RORA: variants seen among roughly 807,000 people sequenced by gnomAD.
RORA encodes nuclear receptor ROR-alpha.
In RORA, 7 loss-of-function variants were observed where a neutral mutation model predicts 69.5. The ratio of observed to expected loss-of-function variants is 0.10; its 90% CI spans 0.06 to 0.19. The LOEUF is 0.19. Among genes scored for constraint, RORA ranks in the 10% least tolerant of loss-of-function variants. The pLI is 1.00. For synonymous variants in RORA, 261 were observed against 240.8 expected, an observed-to-expected ratio of 1.08 and a Z score of -0.78; for missense variants, 457 against 663.0, an observed-to-expected ratio of 0.69 and a Z score of 3.41.
chr15:60,784,381 T>C (rs781480262), intron 1 of RORA, among the ~76,000 whole-genome samples: 3 of 152,208 alleles, frequency 2.0e-5, no homozygotes, highest in Non-Finnish European at 4.4e-5. Flanking sequence ...ATGGAGATTC[T>C]GGACATTCCA....
intron 1 of RORA, among the ~76,000 whole-genome samples, chr15:61,211,594 T>A (rs1040994107): frequency 6.6e-6 from 1 of 152,162 alleles, no homozygotes; most frequent in African/African-American, 2.4e-5. Context: ...AAATAATTCA[T>A]ATGACACATT....
intron 1 of RORA, among the ~76,000 whole-genome samples, chr15:60,986,497 A>G (rs1162314516): frequency 6.6e-6 from 1 of 152,198 alleles, no homozygotes; most frequent in Non-Finnish European, 1.5e-5. Flanking sequence ...CAAAGTTGTC[A>G]GTGATCATAC....
intron 1 of RORA, among the ~76,000 whole-genome samples, chr15:61,118,687 G>A (rs535668328): frequency 2.0e-4 from 31 of 152,216 alleles, no homozygotes; most frequent in African/African-American, 6.7e-4. Context: ...AATGGTGGGG[G>A]ATCGCGTTTT....
chr15:60,545,380 G>C (rs2067037030), intron 2 of RORA, among the ~76,000 whole-genome samples: 1 of 152,134 alleles, frequency 6.6e-6, no homozygotes, highest in African/African-American at 2.4e-5. Flanking sequence ...ATGTCACAAA[G>C]ATAAATTTGT....
At chr15:60,884,899 G>T (rs1212462274) in intron 1 of RORA, among the ~76,000 whole-genome samples, 1 of 152,198 alleles carries the variant, frequency 6.6e-6, no homozygotes, top group Non-Finnish European at 1.5e-5. Context: ...ATAGAGCAAG[G>T]ATGATTGGGA....
At chr15:60,508,795 A>G (rs2065596739) in intron 5 of RORA, among the ~76,000 whole-genome samples, 1 of 152,216 alleles carries the variant, frequency 6.6e-6, no homozygotes, top group Admixed American at 6.5e-5. Flanking sequence ...CCAGTATATC[A>G]GCTGTTTCTC....
At chr15:60,965,971 A>C (rs968234250) in intron 1 of RORA, among the ~76,000 whole-genome samples, 1 of 152,208 alleles carries the variant, frequency 6.6e-6, no homozygotes, top group African/African-American at 2.4e-5. Flanking sequence ...AGTAACCATA[A>C]CAAAGTAACC....
At chr15:60,947,915 T>C (rs1892947639) in intron 1 of RORA, among the ~76,000 whole-genome samples, 3 of 152,112 alleles carry the variant, frequency 2.0e-5, no homozygotes, top group Non-Finnish European at 2.9e-5. Context: ...TTTGTGGGCA[T>C]CAGAAGTGGC....
At chr15:60,656,396 A>G (rs1041845591) in intron 2 of RORA, among the ~76,000 whole-genome samples, 2 of 152,240 alleles carry the variant, frequency 1.3e-5, no homozygotes, top group Non-Finnish European at 2.9e-5. Context: ...GGCGTTTACA[A>G]TTTAGCAGGG....
At chr15:61,120,572 G>C (rs888327705) in intron 1 of RORA, among the ~76,000 whole-genome samples, 1 of 151,606 alleles carries the variant, frequency 6.6e-6, no homozygotes, top group East Asian at 2.0e-4. Flanking sequence ...GTGGTGGCAG[G>C]TACCTGTAGT....
intron 2 of RORA, among the ~76,000 whole-genome samples, chr15:60,651,211 G>A (rs1186666801): frequency 1.3e-5 from 2 of 152,038 alleles, no homozygotes; most frequent in Non-Finnish European, 2.9e-5. Flanking sequence ...TCTCTTAAAC[G>A]TACATGTCAG....
chr15:60,899,293 T>C (rs1290763279), intron 1 of RORA, among the ~76,000 whole-genome samples: 1 of 152,224 alleles, frequency 6.6e-6, no homozygotes, highest in African/African-American at 2.4e-5. Context: ...TGCATTCAGC[T>C]ACCTGGGCAT....
intron 1 of RORA, among the ~76,000 whole-genome samples, chr15:60,954,186 G>A (rs569082134): frequency 0.081 from 11,099 of 137,538 alleles, 411 homozygotes; most frequent in Middle Eastern, 0.18. Context: ...GTAAACTATC[G>A]CAAGAACAAA....
rs138923109 is a variant in RORA at position 60,507,511 on chromosome 15, A to C, written c.821-1882T>G. 8.9e-3 allele frequency among the ~76,000 whole-genome samples: 1,349 copies of C among 152,352 alleles called. 16 individuals carry two copies. Among genetic ancestry groups the C allele is most frequent in the Middle Eastern group, 0.02 (6 of 294 alleles). On this transcript the variant is annotated intron_variant, in intron 5 of 10. Coordinates refer to ENST00000335670, the MANE Select transcript of RORA (RefSeq NM_134261.3). The stretch of plus-strand genomic sequence containing the variant: ...AGCATGAATAAATAACATAAAAAAT[A>C]AAACACAAATAAAAGAACAAATGTA...
intron 1 of RORA, among the ~76,000 whole-genome samples, chr15:60,838,950 G>A (rs536900872): frequency 6.6e-6 from 1 of 150,680 alleles, no homozygotes; most frequent in African/African-American, 2.4e-5. Flanking sequence ...GTGCAGTGGC[G>A]CGATCTCTCC....
chr15:60,737,712 G>A (rs1391397663), intron 1 of RORA, among the ~76,000 whole-genome samples: 2 of 152,224 alleles, frequency 1.3e-5, no homozygotes, highest in African/African-American at 4.8e-5. Flanking sequence ...TGCTTGTTAG[G>A]AAGAGATATC....
chr15:60,765,724 A>G (rs2071978120), intron 1 of RORA: 1 of 152,132 alleles, frequency 6.6e-6, no homozygotes, highest in South Asian at 2.1e-4. Context: ...AGAAGCATAA[A>G]CAAGACCTCT....
chr15:61,055,347 A>C (rs913610455), intron 1 of RORA, among the ~76,000 whole-genome samples: 2 of 152,154 alleles, frequency 1.3e-5, no homozygotes, highest in African/African-American at 2.4e-5. Context: ...CAGTTCCTGG[A>C]GTAAGCATGG....
chr15:60,851,966 CTCCAAGGTA>C (rs2073329999), intron 1 of RORA, among the ~76,000 whole-genome samples: 1 of 152,158 alleles, frequency 6.6e-6, no homozygotes, highest in Non-Finnish European at 1.5e-5. Context: ...CCCATCAAGT[CTCCAAGGTA>C]TCCATGTGTG....
Sources: allele counts gnomAD v4.1 joint callset (sites outside exome capture counted in the v4.1 genomes callset), GRCh38; gene constraint gnomAD v4.1.1; transcripts MANE v1.5; gene names NCBI Gene and HGNC (gene_info 2026-07-23, HGNC 2026-07-21).